The following ANGPT1 variants were observed in gnomAD, a reference collection of about 807,000 sequenced individuals.
ANGPT1 encodes angiopoietin-1.
ANGPT1 carries 17 observed loss-of-function variants against 62.2 expected under a neutral mutation model. The ratio of observed to expected loss-of-function variants is 0.27; its 90% confidence interval spans 0.19 to 0.41. ANGPT1 has a LOEUF of 0.41. Among genes scored for constraint, ANGPT1 ranks in the 10% least tolerant of loss-of-function variants. ANGPT1 has a pLI of 1.00. For missense variants in ANGPT1, 478 were observed against 594.9 expected, an observed-to-expected ratio of 0.80 and a Z score of 2.04; for synonymous variants, 199 against 198.9, an observed-to-expected ratio of 1.00 and a Z score of 0.00.
chr8:107,497,070 T>C (rs891781936), intron 1 of ANGPT1, among the ~76,000 whole-genome samples, 192 bp downstream of exon 1: 1 of 152,166 alleles, frequency 6.6e-6, no homozygotes, highest in African/African-American at 2.4e-5. Flanking sequence ...CACACATTCA[T>C]AGGTTTGGGC....
chr8:107,338,172 G>C (rs1815614754), intron 2 of ANGPT1, among the ~76,000 whole-genome samples: 1 of 152,178 alleles, frequency 6.6e-6, no homozygotes, highest in African/African-American at 2.4e-5. Context: ...ATTTGCAGGA[G>C]TAGGGGATGT....
At chr8:107,403,128 T>C (rs1458066534) in intron 1 of ANGPT1, among the ~76,000 whole-genome samples, 1 of 152,124 alleles carries the variant, frequency 6.6e-6, no homozygotes. Context: ...TCCAGAATCT[T>C]TTATTGTTAA....
Position 107,322,087 on chromosome 8 carries a change from T to C in ANGPT1, c.617A>G (p.Lys206Arg), listed in dbSNP as rs1286434588. The change falls in exon 4 of 9, where the codon AAG becomes AGG. Residue 206 changes from lysine to arginine, a missense_variant. By Grantham distance (26) the Lys-to-Arg change is conservative (BLOSUM62 2). This residue lies in a region of ANGPT1 where 343 missense variants were observed against 355.4 expected (regional missense o/e 0.97). Coordinates refer to ENST00000517746, the MANE Select transcript of ANGPT1 (RefSeq NM_001146.5). ...HKILEMEGKHKEELDTLKEEK... is the reference protein window; with the variant it reads ...HKILEMEGKHREELDTLKEEK... ...TTCCTTTAAGGTGTCCAACTCTTCC[T>C]TGTGTTTTCCTTCCATTTCTAAGAT... 4 of 1,613,836 alleles carry C rather than the reference T, an allele frequency of 2.5e-6. No homozygotes were observed.
chr8:107,254,728 A>C (rs1257125529), intron 8 of ANGPT1, among the ~76,000 whole-genome samples: 1 of 152,098 alleles, frequency 6.6e-6, no homozygotes, highest in Non-Finnish European at 1.5e-5. Context: ...CACAGTAAAC[A>C]AGAAATGACT....
At chr8:107,344,243 T>G (rs1815756452) in intron 2 of ANGPT1, among the ~76,000 whole-genome samples, 1 of 152,118 alleles carries the variant, frequency 6.6e-6, no homozygotes, top group East Asian at 1.9e-4. Flanking sequence ...AAAAACCAAA[T>G]TTGCCTGAGA....
At chr8:107,333,179 G>A (rs1452999444) in intron 3 of ANGPT1, among the ~76,000 whole-genome samples, 1 of 151,878 alleles carries the variant, frequency 6.6e-6, no homozygotes, top group South Asian at 2.1e-4. Flanking sequence ...TTTTTAAGTT[G>A]TTTATGGAAG....
chr8:107,456,111 A>G (rs1563630801), intron 1 of ANGPT1, among the ~76,000 whole-genome samples: 1 of 152,064 alleles, frequency 6.6e-6, no homozygotes, highest in African/African-American at 2.4e-5. Flanking sequence ...CAAATGAACA[A>G]AAATTTTGAA....
chr8:107,263,211 G>A lies in ANGPT1; in HGVS notation c.1336+1010C>T, dbSNP rs190738091. 4.5e-3 allele frequency among the ~76,000 whole-genome samples: 680 copies of A among 151,804 alleles called. 9 individuals are homozygous for A. Among genetic ancestry groups the A allele is most frequent in the African/African-American group, 0.015 (635 of 41,418 alleles). ...TTTACTAAAAATAGAAAAATTAGCC[G>A]GGCGTGGTGGTGGGCACCTGTAATC... On this transcript the variant is annotated intron_variant, in intron 8 of 8. Coordinates refer to ENST00000517746, the MANE Select transcript of ANGPT1 (RefSeq NM_001146.5).
At chr8:107,341,807 A>G (rs1902323) in intron 2 of ANGPT1, among the ~76,000 whole-genome samples, 55,798 of 151,654 alleles carry the variant, frequency 0.37, 11,303 homozygotes, top group East Asian at 0.48. Flanking sequence ...AATGCAACCC[A>G]GAGAGTCTAT....
At chr8:107,465,152 C>T (rs1232055733) in intron 1 of ANGPT1, among the ~76,000 whole-genome samples, 1 of 151,848 alleles carries the variant, frequency 6.6e-6, no homozygotes, top group East Asian at 1.9e-4. Flanking sequence ...TATAAATATA[C>T]AGAAGTAAGA....
intron 1 of ANGPT1, among the ~76,000 whole-genome samples, chr8:107,452,726 C>T (rs942558908): frequency 6.6e-6 from 1 of 151,944 alleles, no homozygotes; most frequent in Non-Finnish European, 1.5e-5. Context: ...CTTGCACAAA[C>T]TGCCCAAACT....
intron 4 of ANGPT1, among the ~76,000 whole-genome samples, chr8:107,307,703 G>T (rs559737071): frequency 1.3e-5 from 2 of 151,910 alleles, no homozygotes; most frequent in African/African-American, 4.8e-5. Flanking sequence ...TTCCATTCTT[G>T]GATCTCTATT....
chr8:107,402,645 G>A (rs1817068739), intron 1 of ANGPT1, among the ~76,000 whole-genome samples: 1 of 152,128 alleles, frequency 6.6e-6, no homozygotes, highest in Non-Finnish European at 1.5e-5. Context: ...GAAGTGACAA[G>A]TTAAGTCACT....
chr8:107,392,322 A>T (rs2130306193), intron 1 of ANGPT1, among the ~76,000 whole-genome samples: 1 of 152,246 alleles, frequency 6.6e-6, no homozygotes, highest in South Asian at 2.1e-4. Flanking sequence ...AGTGTATTAG[A>T]ATATGTCTTT....
chr8:107,303,181 A>G, intron 5 of ANGPT1, 59 bp downstream of exon 5: 1 of 1,578,112 alleles, frequency 6.3e-7, no homozygotes, highest in South Asian at 1.1e-5. Context: ...CAATCTGATT[A>G]TCCAGCAATT....
intron 8 of ANGPT1, among the ~76,000 whole-genome samples, chr8:107,262,595 C>T (rs1328600491): frequency 2.0e-5 from 3 of 152,100 alleles, no homozygotes; most frequent in East Asian, 1.9e-4. Flanking sequence ...ATGGTAGTAA[C>T]GTAGTGTTGG....
chr8:107,311,285 C>T (rs573642161), intron 4 of ANGPT1, among the ~76,000 whole-genome samples: 57 of 151,416 alleles, frequency 3.8e-4, no homozygotes, highest in South Asian at 1.7e-3. Flanking sequence ...AGAGGCATCA[C>T]GGTATTATGA....
intron 1 of ANGPT1, among the ~76,000 whole-genome samples, chr8:107,371,577 T>C (rs1388301881): frequency 5.1e-4 from 4 of 7,790 alleles, no homozygotes; most frequent in Admixed American, 3.8e-3. Flanking sequence ...AGCATTCTTT[T>C]TTTTTTTTTT....
chr8:107,357,250 C>G (rs938117358), intron 1 of ANGPT1, among the ~76,000 whole-genome samples: 1 of 152,006 alleles, frequency 6.6e-6, no homozygotes, highest in Non-Finnish European at 1.5e-5. Flanking sequence ...AATCTTTTTC[C>G]CAAATTCTAA....
Sources: allele counts gnomAD v4.1 joint callset (sites outside exome capture counted in the v4.1 genomes callset), GRCh38; gene constraint gnomAD v4.1.1; regional missense constraint gnomAD v4.1.1; transcripts MANE v1.5; gene names NCBI Gene and HGNC (gene_info 2026-07-23, HGNC 2026-07-21).